RANBP17: variants seen among roughly 807,000 people sequenced by gnomAD.
RANBP17 encodes ran-binding protein 17.
Under a neutral mutation model 141.2 loss-of-function variants are expected in RANBP17, and 158 were observed. That is an observed-to-expected ratio of 1.12 (90% CI 0.98 to 1.28). RANBP17 has a LOEUF of 1.28. Ranked by LOEUF, RANBP17 falls within the 50% of genes most tolerant of loss-of-function variation. The pLI, the probability that RANBP17 is intolerant of heterozygous loss-of-function variation, is 0.00. For missense variants in RANBP17, 1,438 were observed against 1,290.7 expected, an observed-to-expected ratio of 1.11 and a Z score of -1.75; for synonymous variants, 430 against 450.0, an observed-to-expected ratio of 0.96 and a Z score of 0.56.
chr5:171,080,409 TAGTC>T (rs1249047282), intron 14 of RANBP17, among the ~76,000 whole-genome samples: 5 of 152,210 alleles, frequency 3.3e-5, no homozygotes, highest in African/African-American at 1.2e-4. Flanking sequence ...TATTCTATAA[TAGTC>T]AGTGCAACTC....
At chr5:171,287,178 A>G (rs1768217314) in intron 25 of RANBP17, among the ~76,000 whole-genome samples, 1 of 152,224 alleles carries the variant, frequency 6.6e-6, no homozygotes, top group African/African-American at 2.4e-5. Context: ...TCCTCTTCCC[A>G]TTAAGGCTGA....
intron 14 of RANBP17, among the ~76,000 whole-genome samples, chr5:171,005,443 A>G (rs899800130): frequency 6.6e-6 from 1 of 152,236 alleles, no homozygotes; most frequent in Non-Finnish European, 1.5e-5. Flanking sequence ...AATGCCGCAT[A>G]TCTACAACTA....
intron 25 of RANBP17, among the ~76,000 whole-genome samples, chr5:171,289,668 C>T (rs561630373): frequency 8.5e-5 from 13 of 152,166 alleles, no homozygotes; most frequent in African/African-American, 2.7e-4. Context: ...ACCAGGAGTT[C>T]GAGGCTGCAG....
intron 14 of RANBP17, among the ~76,000 whole-genome samples, chr5:171,063,514 T>A (rs1784066205): frequency 6.6e-6 from 1 of 152,184 alleles, no homozygotes; most frequent in South Asian, 2.1e-4. Flanking sequence ...TGATCGTTCC[T>A]CTGGAATTTT....
At chr5:170,897,453 A>G (rs566324233) in intron 5 of RANBP17, 11 of 377,168 alleles carry the variant, frequency 2.9e-5, no homozygotes, top group African/African-American at 2.3e-4. Context: ...CATGTGCAGA[A>G]TGTACAGGTT....
chr5:171,086,757 G>A lies in RANBP17; in HGVS notation c.1711-83373G>A, dbSNP rs1477953083. Among the ~76,000 whole-genome samples the A allele has an allele frequency of 5.1e-3, 757 of 148,732 alleles. 4 individuals are homozygous for A. The highest frequency in any genetic ancestry group is 9.0e-3 in the Non-Finnish European group (600 of 66,514). The stretch of plus-strand genomic sequence containing the variant: ...TTTTCTAGTTTATTTGCGTAGAGGT[G>A]TTTGTAGTATTCCCTGATGGTAGTT... On this transcript the variant is annotated intron_variant, in intron 14 of 27. Coordinates refer to ENST00000523189, the MANE Select transcript of RANBP17 (RefSeq NM_022897.5).
chr5:170,992,418 T>G (rs1375116114), intron 14 of RANBP17, among the ~76,000 whole-genome samples: 1 of 152,004 alleles, frequency 6.6e-6, no homozygotes, highest in Non-Finnish European at 1.5e-5. Flanking sequence ...GAAAATAATT[T>G]GAATAGGAAA....
intron 14 of RANBP17, among the ~76,000 whole-genome samples, chr5:171,148,611 T>TAG (rs1317409490): frequency 7.7e-4 from 115 of 150,320 alleles, no homozygotes; most frequent in African/African-American, 1.5e-3. Context: ...TATATATATA[T>TAG]ATATAGAGAG....
chr5:171,098,516 C>T (rs930492695), intron 14 of RANBP17, among the ~76,000 whole-genome samples: 7 of 152,004 alleles, frequency 4.6e-5, no homozygotes, highest in African/African-American at 1.7e-4. Flanking sequence ...TGTTTAAGTT[C>T]TTTGTAGATT....
chr5:171,178,215 C>T (rs1327343329), intron 16 of RANBP17, among the ~76,000 whole-genome samples: 3 of 146,396 alleles, frequency 2.0e-5, no homozygotes, highest in Admixed American at 6.9e-5. Context: ...TGTTCCCCTC[C>T]CTGTGTCCAT....
chr5:171,123,622 C>G (rs548999294), intron 14 of RANBP17, among the ~76,000 whole-genome samples: 2 of 152,246 alleles, frequency 1.3e-5, no homozygotes, highest in African/African-American at 4.8e-5. Flanking sequence ...CGTGCATTCC[C>G]TGGGGGCTCA....
chr5:171,061,536 A>T (rs1427229814), intron 14 of RANBP17, among the ~76,000 whole-genome samples: 7 of 152,092 alleles, frequency 4.6e-5, no homozygotes, highest in Non-Finnish European at 7.4e-5. Context: ...ACAGTTTGTT[A>T]TAATTTCTGA....
intron 25 of RANBP17, among the ~76,000 whole-genome samples, chr5:171,275,544 G>C (rs1305717688): frequency 1.3e-5 from 2 of 152,114 alleles, no homozygotes; most frequent in East Asian, 3.9e-4. Flanking sequence ...TGCTTTTTCA[G>C]GTTCCCATTT....
At position 171,276,946 on chromosome 5, in the gene RANBP17, C is replaced by T. The variant is rs1432863345; in HGVS notation, c.2943+11099C>T. ...AAAAAAAAAAAAAAAAAAAAAAAAC[C>T]TCTGCAAGGAAAATTTCTAACCCAT... On this transcript the variant is annotated intron_variant, in intron 25 of 27. Transcript: ENST00000523189. Among the ~76,000 whole-genome samples, 3 of 127,530 alleles carry T rather than the reference C, an allele frequency of 2.4e-5. No homozygotes were observed. The South Asian group carries it at 8.1e-4, about 35-fold the overall frequency. 83.7% of individuals were successfully genotyped at this position (127,530 alleles called of 152,430 possible).
At chr5:170,863,291 CAGG>C (rs1384029848) in intron 1 of RANBP17, among the ~76,000 whole-genome samples, 1 of 152,078 alleles carries the variant, frequency 6.6e-6, no homozygotes, top group African/African-American at 2.4e-5. Context: ...CAGTGGGTGG[CAGG>C]AGATGACCCC....
chr5:170,945,445 A>G (rs1257406268), intron 12 of RANBP17, among the ~76,000 whole-genome samples: 1 of 152,146 alleles, frequency 6.6e-6, no homozygotes, highest in Non-Finnish European at 1.5e-5. Context: ...GCACTTACTC[A>G]TATATTTTAC....
At chr5:170,943,538 A>G (rs1040796092) in intron 12 of RANBP17, among the ~76,000 whole-genome samples, 2 of 152,162 alleles carry the variant, frequency 1.3e-5, no homozygotes, top group Admixed American at 1.3e-4. Flanking sequence ...AAAATGTTCT[A>G]TGTTTGAACA....
intron 14 of RANBP17, among the ~76,000 whole-genome samples, chr5:171,120,541 C>A (rs1401123664): frequency 1.3e-5 from 2 of 152,150 alleles, no homozygotes; most frequent in African/African-American, 2.4e-5. Flanking sequence ...TCATTGACTT[C>A]TTTAGCTGTA....
chr5:171,206,689 T>A (rs763303142), intron 20 of RANBP17: 1 of 180,096 alleles, frequency 5.6e-6, no homozygotes, highest in Non-Finnish European at 1.2e-5. Context: ...GCCACAGTTA[T>A]GGCCAAAAAT....
Sources: allele counts gnomAD v4.1 joint callset (sites outside exome capture counted in the v4.1 genomes callset), GRCh38; gene constraint gnomAD v4.1.1; transcripts MANE v1.5; gene names NCBI Gene and HGNC (gene_info 2026-07-23, HGNC 2026-07-21).